The following ASPHD2 variants were observed in gnomAD, a reference collection of about 807,000 sequenced individuals.
ASPHD2 encodes the protein aspartate beta-hydroxylase domain-containing protein 2.
Under a neutral mutation model 34.6 loss-of-function variants are expected in ASPHD2, and 12 were observed. That is an observed-to-expected ratio of 0.35 (90% CI 0.22 to 0.56). The LOEUF is 0.56. ASPHD2 is among the 20% of genes least tolerant of loss of function. ASPHD2 has a pLI of 0.87. For synonymous variants in ASPHD2, 224 were observed against 212.2 expected (o/e 1.06, Z -0.48); for missense variants, 375 against 505.0 (o/e 0.74, Z 2.47).
intron 2 of ASPHD2, among the ~76,000 whole-genome samples, chr22:26,440,238 G>A (rs536546878): frequency 2.0e-4 from 30 of 152,184 alleles, no homozygotes; most frequent in Admixed American, 1.9e-3. Context: ...GGCGACTGAG[G>A]GTCACACATG....
At chr22:26,442,890 C>T (rs551338052) in intron 3 of ASPHD2, among the ~76,000 whole-genome samples, 113 of 152,266 alleles carry the variant, frequency 7.4e-4, no homozygotes, top group African/African-American at 2.4e-3. Flanking sequence ...CCCTCCATCT[C>T]CCCATTTCCT....
At chr22:26,432,974 G>A (rs1166488955) in intron 1 of ASPHD2, among the ~76,000 whole-genome samples, 13 of 152,314 alleles carry the variant, frequency 8.5e-5, no homozygotes, top group South Asian at 2.1e-4. Flanking sequence ...AAGGTACAGC[G>A]ATCACAGGAG....
At chr22:26,438,095 G>A (rs1031262169) in intron 2 of ASPHD2, among the ~76,000 whole-genome samples, 8 of 152,170 alleles carry the variant, frequency 5.3e-5, no homozygotes, top group East Asian at 1.9e-4. Flanking sequence ...GGCACGTGGC[G>A]ATGAATCATT....
At position 26,443,998 on chromosome 22, in the gene ASPHD2, C is replaced by T. The variant is rs1448459979; in HGVS notation, c.*792C>T. 6.6e-6 allele frequency: 1 copy of T among 152,242 alleles called. No homozygotes were observed. The highest frequency in any genetic ancestry group is 1.5e-5 in the Non-Finnish European group (1 of 68,058). The allele number at this position is 152,242 out of a possible 1,614,324, so 9.4% of individuals were successfully genotyped here. A position where few individuals can be genotyped will look rare whatever the true frequency, so the allele number is the denominator to read the frequency against. On this transcript the variant is annotated 3_prime_UTR_variant, in exon 4 of 4. Coordinates refer to ENST00000215906, the MANE Select transcript of ASPHD2 (RefSeq NM_020437.5). ...GCCACGGAACGTGTGATCCGCTTAC[C>T]TCACTGCCTACAGAAGCCCTACTGC...
intron 2 of ASPHD2, among the ~76,000 whole-genome samples, chr22:26,438,218 C>G (rs1219165091): frequency 6.6e-6 from 1 of 152,138 alleles, no homozygotes. Flanking sequence ...TAGGGGCACA[C>G]GCCAAAGGAA....
At chr22:26,438,670 T>TATATATATATATAC in intron 2 of ASPHD2, among the ~76,000 whole-genome samples, 2 of 68,782 alleles carry the variant, frequency 2.9e-5, no homozygotes, top group African/African-American at 9.1e-5. Context: ...TATATACACA[T>TATATATATATATAC]ACATACATAC....
At chr22:26,436,395 C>G (rs2084792483) in intron 2 of ASPHD2, among the ~76,000 whole-genome samples, 1 of 152,200 alleles carries the variant, frequency 6.6e-6, no homozygotes, top group South Asian at 2.1e-4. Context: ...CTGTGCGAGG[C>G]CCCAAGCCTC....
chr22:26,433,750 C>T lies in ASPHD2; in HGVS notation c.135C>T (p.Cys45=). The T allele has an allele frequency of 6.2e-7, 1 of 1,613,668 alleles. No individual in the cohort carries two copies. Residue 45 remains cysteine, a synonymous_variant, in exon 2 of 4, where the codon TGC becomes TGT. Coordinates refer to ENST00000215906, the MANE Select transcript of ASPHD2 (RefSeq NM_020437.5). The surrounding 1 kb of genome is among the most constrained non-coding windows in gnomAD (Gnocchi z 5.1). ...WSWSLDGLRD[C]IATGIQSVRD... ...GGTCGCTGGATGGCCTGAGGGACTG[C>T]ATCGCCACCGGCATCCAGTCCGTGC...
At chr22:26,435,732 AAAGAAAAGAAAAGAAAAGAAAAGAAAAG>A (rs1236392514) in intron 2 of ASPHD2, among the ~76,000 whole-genome samples, 1 of 133,146 alleles carries the variant, frequency 7.5e-6, no homozygotes, top group Non-Finnish European at 1.7e-5. Context: ...AAAGAAAAGA[AAAGAAAAGAAAAGAAAAGAAAAGAAAAG>A]AAAAATATAA....
intron 2 of ASPHD2, among the ~76,000 whole-genome samples, chr22:26,438,872 G>A (rs1210129005): frequency 6.6e-6 from 1 of 152,048 alleles, no homozygotes; most frequent in African/African-American, 2.4e-5. Context: ...CAGGCTGGGA[G>A]GCTAGGCCAG....
rs1335747372 is a variant in ASPHD2, at chr22:26,433,643, A to G, written c.28A>G (p.Arg10Gly). ...GGTGTGGGCGCCCTTGGGACCCCCG[A>G]GGACTGATTGTCTGACCTTGCTTCA... is the stretch of plus-strand genomic sequence containing the variant. MVWAPLGPPRTDCLTLLHTP... is the reference protein window; with the variant it reads MVWAPLGPPGTDCLTLLHTP... Residue 10 changes from arginine to glycine, a missense_variant, in exon 2 of 4, where the codon AGG becomes GGG. Physicochemically the swap from Arg to Gly is moderately radical, Grantham distance 125. Around this residue, in one of 3 missense-constraint regions of ASPHD2, gnomAD observed 223 missense variants for 257.8 expected, o/e 0.87. Transcript: ENST00000215906. The surrounding 1 kb of genome is among the most constrained non-coding windows in gnomAD (Gnocchi z 5.1). 3 of 1,613,978 alleles carry G rather than the reference A, an allele frequency of 1.9e-6. No homozygotes were observed. The highest frequency in any genetic ancestry group is 2.5e-6 in the Non-Finnish European group (3 of 1,179,986).
intron 2 of ASPHD2, among the ~76,000 whole-genome samples, chr22:26,440,521 G>A (rs957528676): frequency 2.0e-5 from 3 of 152,054 alleles, no homozygotes; most frequent in Admixed American, 1.3e-4. Context: ...AGTAGAGAGA[G>A]GGTTTCACCA....
chr22:26,433,296 C>A lies in ASPHD2; in HGVS notation c.-224-96C>A. 2.7e-6 allele frequency: 1 copy of A among 369,700 alleles called. No individual in the cohort carries two copies. Among genetic ancestry groups the A allele is most frequent in the Non-Finnish European group, 5.0e-6 (1 of 201,686 alleles). The allele number at this position is 369,700 out of a possible 1,614,324, so 22.9% of individuals were successfully genotyped here. A position where few individuals can be genotyped will look rare whatever the true frequency, so the allele number is the denominator to read the frequency against. On this transcript the variant is annotated intron_variant, in intron 1 of 3. Coordinates refer to ENST00000215906, the MANE Select transcript of ASPHD2 (RefSeq NM_020437.5). This position sits in a 1 kb window ranked among gnomAD's most constrained non-coding sequence, Gnocchi z 5.1. Reference sequence around the variant, plus strand: ...ACAAGATTGCAAAGTGTGACCCCCACCAACTAGGATCCTACAGAACGATCT... The same window carrying A: ...ACAAGATTGCAAAGTGTGACCCCCAACAACTAGGATCCTACAGAACGATCT...
intron 2 of ASPHD2, among the ~76,000 whole-genome samples, chr22:26,439,838 T>C (rs183510884): frequency 6.6e-6 from 1 of 152,250 alleles, no homozygotes; most frequent in Admixed American, 6.5e-5. Context: ...TCCGTCCTTC[T>C]GTCTCCTCCA....
In ASPHD2 at chr22:26,438,496, C is replaced by CATACATATATAT. The variant is rs1568983882; in HGVS notation, c.887-3962_887-3961insTACATATATATA. On this transcript the variant is annotated intron_variant, in intron 2 of 3. Transcript: ENST00000215906. ...ATATATATACATATATATAGATACA[C>CATACATATATAT]ACATACATATATATACATACATATA... Among the ~76,000 whole-genome samples, 3 of 88,382 alleles carry CATACATATATAT rather than the reference C, an allele frequency of 3.4e-5. 1 individual carries two copies. Among genetic ancestry groups the CATACATATATAT allele is most frequent in the Non-Finnish European group, 6.9e-5 (3 of 43,378 alleles). The allele number at this position is 88,382 out of a possible 152,430, so 58.0% of individuals were successfully genotyped here.
chr22:26,444,129 G>C lies in ASPHD2; in HGVS notation c.*923G>C, dbSNP rs538527286. The C allele has an allele frequency of 6.6e-6, 1 of 152,160 alleles. No individual in the cohort carries two copies. The highest frequency in any genetic ancestry group is 1.5e-5 in the Non-Finnish European group (1 of 68,042). The allele number at this position is 152,160 out of a possible 1,614,324, so 9.4% of individuals were successfully genotyped here. A position where few individuals can be genotyped will look rare whatever the true frequency, so the allele number is the denominator to read the frequency against. On this transcript the variant is annotated 3_prime_UTR_variant, in exon 4 of 4. Transcript: ENST00000215906. Reference sequence around the variant, plus strand: ...AGGAGCTGTAGGGGGATAGGACCGCGCTCACCCAGCGACATTTGGGGAAAG... The same window carrying C: ...AGGAGCTGTAGGGGGATAGGACCGCCCTCACCCAGCGACATTTGGGGAAAG...
chr22:26,438,238 T>G (rs1232410489), intron 2 of ASPHD2, among the ~76,000 whole-genome samples: 1 of 152,108 alleles, frequency 6.6e-6, no homozygotes, highest in Non-Finnish European at 1.5e-5. Flanking sequence ...AAACGTAGCC[T>G]CTGAGTCCCT....
chr22:26,438,636 TATATATATACACATAC>T (rs2084815635), intron 2 of ASPHD2, among the ~76,000 whole-genome samples: 2 of 49,332 alleles, frequency 4.1e-5, no homozygotes, highest in East Asian at 4.7e-4. Context: ...TATATATACA[TATATATATACACATAC>T]ATATATATAT....
At chr22:26,434,936 AC>A (rs2084781472) in intron 2 of ASPHD2, among the ~76,000 whole-genome samples, 2 of 152,208 alleles carry the variant, frequency 1.3e-5, no homozygotes, top group Admixed American at 1.3e-4. Context: ...TAAAATGATT[AC>A]CGAGCTTCAT....
Sources: allele counts gnomAD v4.1 joint callset (sites outside exome capture counted in the v4.1 genomes callset), GRCh38; gene constraint gnomAD v4.1.1; regional missense constraint gnomAD v4.1.1; non-coding constraint Gnocchi (gnomAD v3.1); transcripts MANE v1.5; gene names NCBI Gene and HGNC (gene_info 2026-07-23, HGNC 2026-07-21).